Variants in GRIN2D observed in about 807,000 individuals in gnomAD.
GRIN2D encodes glutamate receptor ionotropic, NMDA 2D.
GRIN2D carries 37 observed loss-of-function variants against 103.2 expected under a neutral mutation model. The ratio of observed to expected loss-of-function variants is 0.36; its 90% CI spans 0.28 to 0.47. The LOEUF (loss-of-function observed/expected upper bound fraction) is 0.47, where lower values mean the gene tolerates loss of function less well. GRIN2D is among the 20% of genes least tolerant of loss of function. The pLI, the probability that GRIN2D is intolerant of heterozygous loss-of-function variation, is 1.00. For missense variants in GRIN2D, 1,557 were observed against 1,910.6 expected, an observed-to-expected ratio of 0.81 and a Z score of 3.45; for synonymous variants, 845 against 885.6, an observed-to-expected ratio of 0.95 and a Z score of 0.81.
intron 4 of GRIN2D, among the ~76,000 whole-genome samples, chr19:48,408,936 C>A (rs1970822840): frequency 6.6e-6 from 1 of 151,996 alleles, no homozygotes; most frequent in Admixed American, 6.6e-5. Context: ...GCTGGAACTG[C>A]CTTGTCTTAG....
In GRIN2D at chr19:48,443,266, G is replaced by T; in HGVS notation, c.3340G>T (p.Asp1114Tyr). 1 of 1,531,406 alleles carries T rather than the reference G, an allele frequency of 6.5e-7. No homozygotes were observed. The highest frequency in any genetic ancestry group is 8.7e-7 in the Non-Finnish European group (1 of 1,148,820). 94.9% of individuals were successfully genotyped at this position (1,531,406 alleles called of 1,614,324 possible). ...CCTCGATCTCGAGCCGTCGCCGTCG[G>T]ACTCGGAGGACTCGGAGAGCCTGGG... ...PYLDLEPSPS[D>Y]SEDSESLGGA... The change falls in exon 14 of 14, where the codon GAC becomes TAC. Residue 1114 changes from aspartate to tyrosine, a missense_variant. By Grantham distance (160) the Asp-to-Tyr change is radical. Transcript: ENST00000263269. This position sits in a 1 kb window ranked among gnomAD's most constrained non-coding sequence, Gnocchi z 8.9.
intron 11 of GRIN2D, among the ~76,000 whole-genome samples, chr19:48,430,036 A>G (rs1367493923): frequency 6.6e-6 from 1 of 152,094 alleles, no homozygotes; most frequent in East Asian, 1.9e-4. Flanking sequence ...GCTTCTCACT[A>G]TGGAAGACAT....
intron 3 of GRIN2D, among the ~76,000 whole-genome samples, chr19:48,401,470 A>C (rs1970710260): frequency 6.6e-6 from 1 of 152,200 alleles, no homozygotes; most frequent in South Asian, 2.1e-4. Context: ...TGTCAGGTGG[A>C]GGTCTGGCAT....
chr19:48,395,561 T>TG (rs1308054270), intron 2 of GRIN2D, among the ~76,000 whole-genome samples: 1 of 151,730 alleles, frequency 6.6e-6, no homozygotes, highest in Non-Finnish European at 1.5e-5. Context: ...CTCGAGGTTG[T>TG]GGGGGGAGCT....
intron 11 of GRIN2D, among the ~76,000 whole-genome samples, chr19:48,424,191 G>T (rs1444871733): frequency 6.6e-6 from 1 of 150,730 alleles, no homozygotes; most frequent in Non-Finnish European, 1.5e-5. Flanking sequence ...CAAGGTGAGA[G>T]GATCACTTAA....
chr19:48,432,861 G>T (rs1250578096), intron 11 of GRIN2D, among the ~76,000 whole-genome samples: 1 of 148,576 alleles, frequency 6.7e-6, no homozygotes, highest in African/African-American at 2.5e-5. Context: ...CACGATCTCT[G>T]CTCACTGCAA....
At position 48,421,831 on chromosome 19, in the gene GRIN2D, T is replaced by C; in HGVS notation, c.2138T>C (p.Val713Ala). The C allele has an allele frequency of 6.2e-7, 1 of 1,613,800 alleles. No homozygotes were observed. Among genetic ancestry groups the C allele is most frequent in the Non-Finnish European group, 8.5e-7 (1 of 1,179,900 alleles). The change falls in exon 11 of 14, where the codon GTG (valine) becomes GCG (alanine). Residue 713 changes from valine (V) to alanine (A), a missense_variant. This residue lies in a region of GRIN2D where 138 missense variants were observed against 270.2 expected (regional missense o/e 0.51). Transcript: ENST00000263269. The surrounding 1 kb of genome is among the most constrained non-coding windows in gnomAD (Gnocchi z 4.8). ...EQYPPLKFGTVPNGSTEKNIR... is the reference protein window; with the variant it reads ...EQYPPLKFGTAPNGSTEKNIR... ...TACCCGCCCCTGAAGTTTGGGACCG[T>C]GCCCAACGGCTCCACGGAGAAGAAC...
At chr19:48,425,929 C>T (rs1047503636) in intron 11 of GRIN2D, among the ~76,000 whole-genome samples, 21 of 152,248 alleles carry the variant, frequency 1.4e-4, no homozygotes, top group African/African-American at 5.1e-4. Flanking sequence ...CATAAAGCTT[C>T]CCCTGCCCCT....
chr19:48,418,915 G>A (rs930859411), intron 8 of GRIN2D, among the ~76,000 whole-genome samples: 8 of 152,084 alleles, frequency 5.3e-5, no homozygotes, highest in African/African-American at 1.9e-4. Context: ...CTGCCTCCTA[G>A]GGGTATGGGT....
chr19:48,424,185 G>A (rs1026896246), intron 11 of GRIN2D, among the ~76,000 whole-genome samples: 38 of 151,062 alleles, frequency 2.5e-4, no homozygotes, highest in South Asian at 1.5e-3. Flanking sequence ...TGAGGCCAAG[G>A]TGAGAGGATC....
intron 4 of GRIN2D, among the ~76,000 whole-genome samples, chr19:48,406,725 A>ATG (rs1970796173): frequency 1.3e-5 from 2 of 152,214 alleles, no homozygotes; most frequent in Admixed American, 6.6e-5. Context: ...GATAATGGCA[A>ATG]CGCAGCATGA....
At chr19:48,426,216 C>CTTTTTTTTTTT (rs1757616371) in intron 11 of GRIN2D, among the ~76,000 whole-genome samples, 2 of 126,344 alleles carry the variant, frequency 1.6e-5, no homozygotes, top group African/African-American at 7.3e-5. Flanking sequence ...TTCTTTCTTT[C>CTTTTTTTTTTT]TTTCTTTCTT....
intron 8 of GRIN2D, 50 bp downstream of exon 8, chr19:48,416,205 C>A (rs1238868730): frequency 1.9e-6 from 3 of 1,560,988 alleles, no homozygotes; most frequent in African/African-American, 2.7e-5. Flanking sequence ...AAGTAGCCGT[C>A]CCCAACCGTG....
At position 48,393,914 on chromosome 19, in the gene GRIN2D, G is replaced by A. The variant is rs528036869; in HGVS notation, c.-306+46G>A. The stretch of plus-strand genomic sequence containing the variant: ...GTGTCTGGGGCTGGCTGGTGGAGGG[G>A]GGGTGTGTCTGTAAGCGCTGCGGCG... On this transcript the variant is annotated intron_variant, in intron 1 of 13. Transcript: ENST00000263269. This position sits in a 1 kb window ranked among gnomAD's most constrained non-coding sequence, Gnocchi z 5.6. Among the ~76,000 whole-genome samples the A allele has an allele frequency of 1.3e-5, 2 of 152,060 alleles. No individual in the cohort carries two copies. The highest frequency in any genetic ancestry group is 4.8e-5 in the African/African-American group (2 of 41,394).
chr19:48,420,102 G>A (rs1400860824), intron 10 of GRIN2D, among the ~76,000 whole-genome samples: 4 of 152,102 alleles, frequency 2.6e-5, no homozygotes, highest in African/African-American at 9.7e-5. Context: ...TAGAACCAGT[G>A]CTTCTCTCAA....
intron 11 of GRIN2D, among the ~76,000 whole-genome samples, chr19:48,436,069 G>A (rs1037025265): frequency 3.9e-5 from 6 of 152,192 alleles, no homozygotes; most frequent in African/African-American, 9.6e-5. Context: ...GTGGGTTCAC[G>A]TTGCCCGCTG....
chr19:48,443,519 C>A lies in GRIN2D; in HGVS notation c.3593C>A (p.Ser1198Ter). ...CCGCCGCCGCGCCATCTCAGCTGCT[C>A]GCACGATGGCCTGGACGGCGGCTGG... Reference protein sequence around the residue: ...LLPPPRHLSCSHDGLDGGWWA... With the variant: ...LLPPPRHLSC The change falls in exon 14 of 14, where the codon TCG becomes TAG. Residue 1198 changes from serine (S) to a stop codon, truncating the protein, a stop_gained. Transcript: ENST00000263269. LOFTEE classifies it high-confidence loss of function. The surrounding 1 kb of genome is among the most constrained non-coding windows in gnomAD (Gnocchi z 8.9). 2 of 1,343,336 alleles carry A rather than the reference C, an allele frequency of 1.5e-6. No homozygotes were observed. The highest frequency in any genetic ancestry group is 1.8e-5 in the South Asian group (1 of 56,790). 83.2% of individuals were successfully genotyped at this position (1,343,336 alleles called of 1,614,324 possible).
chr19:48,402,922 G>C (rs1970736596), intron 3 of GRIN2D, among the ~76,000 whole-genome samples: 1 of 151,898 alleles, frequency 6.6e-6, no homozygotes, highest in African/African-American at 2.4e-5. Flanking sequence ...ATAGGGGCCA[G>C]GCATGGTGGC....
At chr19:48,417,818 C>A (rs1487273912) in intron 8 of GRIN2D, among the ~76,000 whole-genome samples, 1 of 152,082 alleles carries the variant, frequency 6.6e-6, no homozygotes, top group African/African-American at 2.4e-5. Context: ...TCACACTTGG[C>A]CCTGGAAAGT....
Sources: allele counts gnomAD v4.1 joint callset (sites outside exome capture counted in the v4.1 genomes callset), GRCh38; gene constraint gnomAD v4.1.1; regional missense constraint gnomAD v4.1.1; non-coding constraint Gnocchi (gnomAD v3.1); transcripts MANE v1.5; gene names NCBI Gene and HGNC (gene_info 2026-07-23, HGNC 2026-07-21).